The following NR4A1 variants were observed in gnomAD, a reference collection of about 807,000 sequenced individuals.
NR4A1 encodes nuclear receptor subfamily 4immunitygroup A member 1.
Under a neutral mutation model 47.5 loss-of-function variants are expected in NR4A1, and 24 were observed. The observed-to-expected ratio is 0.50, with a 90% confidence interval of 0.37 to 0.71. The LOEUF is 0.71. Ranked by LOEUF, NR4A1 falls within the 30% of genes least tolerant of loss-of-function variation. The pLI, the probability that NR4A1 is intolerant of heterozygous loss-of-function variation, is 0.00. For missense variants in NR4A1, 669 were observed against 788.6 expected, an observed-to-expected ratio of 0.85 and a Z score of 1.82; for synonymous variants, 353 against 345.7, an observed-to-expected ratio of 1.02 and a Z score of -0.24.
At position 52,040,725 on chromosome 12, in the gene NR4A1, AC is replaced by A. The variant is rs1166115510; in HGVS notation, c.-83-1083del. 7.2e-5 allele frequency among the ~76,000 whole-genome samples: 11 copies of A among 152,116 alleles called. No individual in the cohort carries two copies. In the Middle Eastern group the frequency reaches 0.014, roughly 188 times the overall value. On this transcript the variant is annotated intron_variant, in intron 1 of 7. Coordinates refer to the NR4A1 transcript ENST00000360284. ...CAGAGGATCTTCCCTTGGCCTGTAG[AC>A]CTTGGGCAAAGGTCAGGTGGGTGAG... is the stretch of plus-strand genomic sequence containing the variant.
At chr12:52,039,019 T>C (rs1938342899) in intron 1 of NR4A1, among the ~76,000 whole-genome samples, 1 of 152,212 alleles carries the variant, frequency 6.6e-6, no homozygotes, top group Admixed American at 6.5e-5. Flanking sequence ...GACTCCTTGG[T>C]TAGGCTCCCT....
rs116918719 is a variant in NR4A1, at chr12:52,055,358, A to G, written c.876+154A>G. The G allele has an allele frequency of 2.6e-4, 237 of 908,126 alleles. 1 individual carries two copies. The East Asian group carries it at 4.9e-3, about 19-fold the overall frequency. The allele number at this position is 908,126 out of a possible 1,614,324, so 56.3% of individuals were successfully genotyped here. On this transcript the variant is annotated intron_variant, in intron 2 of 6. Coordinates refer to ENST00000394825, the MANE Select transcript of NR4A1 (RefSeq NM_173157.3). ...CCTGCCAGGTGGGCCGCCTTCCTGG[A>G]GACCCGTAGATGCCAGGGCTGGAAG... is the stretch of plus-strand genomic sequence containing the variant.
chr12:52,038,566 G>A (rs1040685016), intron 1 of NR4A1: 10 of 619,542 alleles, frequency 1.6e-5, no homozygotes, highest in East Asian at 2.8e-5. Flanking sequence ...GGGGGCTGTC[G>A]TCGGCCTGGC....
upstream of NR4A1, chr12:52,051,385 C>G (rs1565649023): frequency 2.0e-6 from 2 of 985,422 alleles, no homozygotes; most frequent in Non-Finnish European, 2.4e-6. Context: ...CAGTGGCGCC[C>G]CCGCCCCTCC....
chr12:52,032,461 A>G (rs1938147128), intron 1 of NR4A1, among the ~76,000 whole-genome samples: 2 of 152,198 alleles, frequency 1.3e-5, no homozygotes, highest in Non-Finnish European at 2.9e-5. Flanking sequence ...ATGCCTCATA[A>G]TAAATCTTTT....
chr12:52,051,792 G>A (rs1461733948), intron 1 of NR4A1, among the ~76,000 whole-genome samples: 1 of 152,164 alleles, frequency 6.6e-6, no homozygotes, highest in Non-Finnish European at 1.5e-5. Context: ...AGCTGTAGGG[G>A]GTTGGGGTTG....
chr12:52,039,344 C>T (rs1269184305), intron 1 of NR4A1, among the ~76,000 whole-genome samples: 1 of 152,184 alleles, frequency 6.6e-6, no homozygotes, highest in South Asian at 2.1e-4. Flanking sequence ...GGCCTGTCAG[C>T]GGTGTCCTGT....
chr12:52,058,793 C>T lies in NR4A1; in HGVS notation c.1646C>T (p.Ala549Val). ...VAAVAGEPQP[A>V]SCLSRLLGKL... ...GCTGTGGCGGGCGAGCCCCAGCCAG[C>T]CAGCTGCCTGTCACGTCTGTTGGGC... Residue 549 changes from alanine (A) to valine (V), a missense_variant, in exon 7 of 7, where the codon GCC becomes GTC. Transcript: ENST00000394825. 1 of 1,612,610 alleles carries T rather than the reference C, an allele frequency of 6.2e-7. No homozygotes were observed. Among genetic ancestry groups the T allele is most frequent in the South Asian group, 1.1e-5 (1 of 91,056 alleles).
In NR4A1 at chr12:52,055,154, T is replaced by C; in HGVS notation, c.826T>C (p.Cys276Arg). Residue 276 changes from cysteine (C) to arginine (R), a missense_variant, in exon 2 of 7, where the codon TGC becomes CGC. By Grantham distance (180) the Cys-to-Arg change is radical (BLOSUM62 -3). Transcript: ENST00000394825. ...RCAVCGDNASCQHYGVRTCEG... is the reference protein window; with the variant it reads ...RCAVCGDNASRQHYGVRTCEG... ...TGCTGTGTGTGGGGACAACGCTTCA[T>C]GCCAGCATTATGGTGTCCGCACATG... is the stretch of plus-strand genomic sequence containing the variant. The C allele has an allele frequency of 6.2e-7, 1 of 1,614,016 alleles. No individual in the cohort carries two copies. The highest frequency in any genetic ancestry group is 1.1e-5 in the South Asian group (1 of 91,084).
intron 1 of NR4A1, among the ~76,000 whole-genome samples, chr12:52,030,710 C>T (rs975027611): frequency 7.9e-5 from 12 of 152,026 alleles, no homozygotes; most frequent in East Asian, 1.9e-4. Context: ...ATTACAGGCG[C>T]GAGCCACCAC....
chr12:52,041,855 C>T, exon 2 of NR4A1: 1 of 1,521,478 alleles, frequency 6.6e-7, no homozygotes. Context: ...CCCAGGCAGC[C>T]TGGCTCCTTC....
chr12:52,035,798 G>A (rs1323436509), intron 1 of NR4A1, among the ~76,000 whole-genome samples: 1 of 151,872 alleles, frequency 6.6e-6, no homozygotes, highest in African/African-American at 2.4e-5. Flanking sequence ...GTCCAGCAAA[G>A]GATTTCTGGG....
chr12:52,034,708 A>G (rs1267515092), intron 1 of NR4A1, among the ~76,000 whole-genome samples: 2 of 152,188 alleles, frequency 1.3e-5, no homozygotes, highest in African/African-American at 4.8e-5. Context: ...GCAGACGTTT[A>G]CTGGACATTT....
chr12:52,036,601 C>T (rs73303765), intron 1 of NR4A1, among the ~76,000 whole-genome samples: 3,362 of 152,192 alleles, frequency 0.022, 131 homozygotes, highest in African/African-American at 0.076. Flanking sequence ...TGGGCTTTGC[C>T]GGGGCCTGCA....
At chr12:52,047,777 G>A (rs1369771459), upstream of NR4A1, among the ~76,000 whole-genome samples, 1 of 152,208 alleles carries the variant, frequency 6.6e-6, no homozygotes, top group Non-Finnish European at 1.5e-5. Context: ...CCCACAGGAT[G>A]GTCTGTGCCA....
intron 1 of NR4A1, among the ~76,000 whole-genome samples, chr12:52,041,449 C>T (rs1030107759): frequency 6.6e-6 from 1 of 152,110 alleles, no homozygotes; most frequent in Non-Finnish European, 1.5e-5. Context: ...TCCGCTCTGT[C>T]CTCACAATAG....
intron 1 of NR4A1, among the ~76,000 whole-genome samples, chr12:52,036,223 A>C (rs1399080383): frequency 6.6e-6 from 1 of 152,134 alleles, no homozygotes; most frequent in Non-Finnish European, 1.5e-5. Context: ...ATTTCCAAAG[A>C]GGGCTCCAGT....
At chr12:52,056,802 AAG>A (rs1939296073) in intron 4 of NR4A1, 157 bp downstream of exon 4, 2 of 947,908 alleles carry the variant, frequency 2.1e-6, no homozygotes, top group South Asian at 1.8e-5. Context: ...CGACAGATCA[AAG>A]AGAGGATCCC....
In NR4A1 at chr12:52,054,323, C is replaced by G; in HGVS notation, c.-2-4C>G. ...TCCCTCCCTGGGGTCTCCTCTCTCT[C>G]CAGAGATGCCCTGTATCCAAGCCCA... On this transcript the variant is annotated splice_polypyrimidine_tract_variant and splice_region_variant and intron_variant, in intron 1 of 6. Coordinates refer to ENST00000394825, the MANE Select transcript of NR4A1 (RefSeq NM_173157.3). 6.2e-7 allele frequency: 1 copy of G among 1,600,126 alleles called. No homozygotes were observed. Among genetic ancestry groups the G allele is most frequent in the East Asian group, 2.2e-5 (1 of 44,652 alleles).
Sources: gnomAD v4.1 joint callset for allele counts (sites outside exome capture counted in the v4.1 genomes callset) on GRCh38, gnomAD v4.1.1 for gene constraint, MANE v1.5 for transcripts, NCBI Gene and HGNC (gene_info 2026-07-23, HGNC 2026-07-21) for gene names.